The following EYS variants were observed in gnomAD, a reference collection of about 807,000 sequenced individuals.
The protein encoded by EYS is protein eyes shut homolog.
In EYS, 250 loss-of-function variants were observed where a neutral mutation model predicts 282.1. That is an observed-to-expected ratio of 0.89 (90% CI 0.80 to 0.98). The LOEUF is 0.98. Ranked by LOEUF, EYS falls within the 50% of genes least tolerant of loss-of-function variation. The pLI, the probability that EYS is intolerant of heterozygous loss-of-function variation, is 0.00. For missense variants in EYS, 4,016 were observed against 3,709.0 expected (o/e 1.08, Z -2.15); for synonymous variants, 1,355 against 1,282.9 (o/e 1.06, Z -1.20).
In EYS at chr6:65,334,997, A is replaced by C; in HGVS notation, c.1749T>G (p.Asp583Glu). The C allele has an allele frequency of 6.2e-7, 1 of 1,609,806 alleles. No homozygotes were observed. Among genetic ancestry groups the C allele is most frequent in the Non-Finnish European group, 8.5e-7 (1 of 1,177,310 alleles). The change falls in exon 11 of 43, where the codon GAT becomes GAG. Residue 583 changes from aspartate to glutamate, a missense_variant. Coordinates refer to ENST00000503581, the MANE Select transcript of EYS (RefSeq NM_001142800.2). ...NECQHEAVCKDEINRPRCSCS... is the reference protein window; with the variant it reads ...NECQHEAVCKEEINRPRCSCS... ...ATAAATACCTGGGTCTATTAATTTC[A>C]TCTTTACAAACAGCTTCATGTTGAC...
At position 64,819,267 on chromosome 6, in the gene EYS, T is replaced by C. The variant is rs530068438; in HGVS notation, c.3243+2378A>G. On this transcript the variant is annotated intron_variant, in intron 21 of 42. Coordinates refer to ENST00000503581, the MANE Select transcript of EYS (RefSeq NM_001142800.2). ...ATGATTATTATATCTCAATTTCTTA[T>C]AGACATTCAATATCTAAGATTTACA... is the stretch of plus-strand genomic sequence containing the variant. Among the ~76,000 whole-genome samples, 9 of 152,288 alleles carry C rather than the reference T, an allele frequency of 5.9e-5. No individual in the cohort carries two copies. The South Asian group carries it at 1.7e-3, about 28-fold the overall frequency.
chr6:65,516,585 T>C (rs1240662319), intron 2 of EYS, among the ~76,000 whole-genome samples: 1 of 152,082 alleles, frequency 6.6e-6, no homozygotes, highest in Non-Finnish European at 1.5e-5. Flanking sequence ...TTCTTAAAGA[T>C]GTCAGGGCAA....
At chr6:65,412,178 A>G (rs986715056) in intron 5 of EYS, among the ~76,000 whole-genome samples, 5 of 152,150 alleles carry the variant, frequency 3.3e-5, no homozygotes, top group African/African-American at 1.2e-4. Flanking sequence ...ACCAGGCAAC[A>G]GATCTTCTGA....
At chr6:64,553,542 T>C (rs1765150019) in intron 26 of EYS, among the ~76,000 whole-genome samples, 3 of 89,896 alleles carry the variant, frequency 3.3e-5, no homozygotes, top group South Asian at 8.5e-4. Context: ...TGACTTTTGT[T>C]TGACCCCCCC....
chr6:64,996,507 C>T (rs1771269550), intron 14 of EYS, among the ~76,000 whole-genome samples: 1 of 152,132 alleles, frequency 6.6e-6, no homozygotes. Context: ...GTCACATGTC[C>T]ACTTCTAAAG....
At chr6:63,781,245 T>G (rs145916795) in intron 39 of EYS, among the ~76,000 whole-genome samples, 1 of 152,196 alleles carries the variant, frequency 6.6e-6, no homozygotes, top group Admixed American at 6.5e-5. Flanking sequence ...CTTTTTTGGT[T>G]CCATATGAAC....
At chr6:64,001,069 G>C (rs1768076716) in intron 33 of EYS, among the ~76,000 whole-genome samples, 1 of 152,228 alleles carries the variant, frequency 6.6e-6, no homozygotes, top group African/African-American at 2.4e-5. Context: ...GCTGAGGCCA[G>C]CCTAGTCTAA....
chr6:64,210,251 A>G (rs1765722765), intron 31 of EYS, among the ~76,000 whole-genome samples: 1 of 152,230 alleles, frequency 6.6e-6, no homozygotes, highest in African/African-American at 2.4e-5. Flanking sequence ...GGGCTGCCAT[A>G]GCGAGTTATG....
intron 2 of EYS, among the ~76,000 whole-genome samples, chr6:65,516,877 C>T (rs750762953): frequency 3.9e-5 from 6 of 152,028 alleles, no homozygotes; most frequent in African/African-American, 7.2e-5. Context: ...GATTCTGACA[C>T]TTCCTAGTCA....
chr6:64,095,139 T>C (rs1772543837), intron 31 of EYS, among the ~76,000 whole-genome samples: 1 of 152,232 alleles, frequency 6.6e-6, no homozygotes, highest in Non-Finnish European at 1.5e-5. Flanking sequence ...TAATTTCTGT[T>C]CTTTTACATT....
chr6:64,349,726 G>T (rs1439739266), intron 29 of EYS, among the ~76,000 whole-genome samples: 1 of 151,328 alleles, frequency 6.6e-6, no homozygotes, highest in Non-Finnish European at 1.5e-5. Context: ...AACTTAAACT[G>T]TCTGCAATTT....
intron 28 of EYS, among the ~76,000 whole-genome samples, chr6:64,398,970 G>A (rs1169239732): frequency 6.6e-6 from 1 of 151,740 alleles, no homozygotes; most frequent in Non-Finnish European, 1.5e-5. Context: ...ATATCTGAGG[G>A]AGAATATAGC....
chr6:65,508,655 T>A (rs1766749508), intron 2 of EYS, among the ~76,000 whole-genome samples: 1 of 116,272 alleles, frequency 8.6e-6, no homozygotes, highest in Non-Finnish European at 1.7e-5. Flanking sequence ...AGAGCAAGAC[T>A]CCATCTCAAA....
intron 2 of EYS, among the ~76,000 whole-genome samples, chr6:65,593,666 T>C (rs972063542): frequency 1.3e-5 from 2 of 151,932 alleles, no homozygotes; most frequent in African/African-American, 4.8e-5. Context: ...TTTTTCTACT[T>C]ACTCTCCCAT....
intron 22 of EYS, among the ~76,000 whole-genome samples, chr6:64,696,540 T>G (rs1391977766): frequency 6.6e-6 from 1 of 152,088 alleles, no homozygotes; most frequent in Non-Finnish European, 1.5e-5. Flanking sequence ...GACCTCACCA[T>G]GACATGTAGC....
intron 12 of EYS, among the ~76,000 whole-genome samples, chr6:65,275,222 C>T (rs56260802): frequency 0.02 from 2,975 of 152,268 alleles, 46 homozygotes; most frequent in Middle Eastern, 0.058. Flanking sequence ...TCTTGCCATC[C>T]GCTGTGGCTA....
Position 64,062,597 on chromosome 6 carries a change from C to T in EYS, c.6725+3741G>A, listed in dbSNP as rs548439699. Reference sequence around the variant, plus strand: ...ATCCCAGCTGCTTGGAGGCTGAGGCCGGAAAATCGCTTGAACCCTGGAGGT... The same window carrying T: ...ATCCCAGCTGCTTGGAGGCTGAGGCTGGAAAATCGCTTGAACCCTGGAGGT... On this transcript the variant is annotated intron_variant, in intron 33 of 42. Coordinates refer to ENST00000503581, the MANE Select transcript of EYS (RefSeq NM_001142800.2). Among the ~76,000 whole-genome samples, 28 of 149,520 alleles carry T rather than the reference C, an allele frequency of 1.9e-4. 1 individual carries two copies. The South Asian group carries it at 4.4e-3, about 24-fold the overall frequency.
chr6:63,799,306 G>A (rs1413216916), intron 37 of EYS, among the ~76,000 whole-genome samples: 1 of 151,790 alleles, frequency 6.6e-6, no homozygotes, highest in Non-Finnish European at 1.5e-5. Flanking sequence ...GAGCCACCGT[G>A]CCCGGCTCCT....
At chr6:64,909,657 C>T (rs1405559322) in intron 16 of EYS, among the ~76,000 whole-genome samples, 2 of 151,926 alleles carry the variant, frequency 1.3e-5, no homozygotes, top group African/African-American at 4.8e-5. Flanking sequence ...AAGCTTTGCC[C>T]TTTATTTATC....
Sources: allele counts gnomAD v4.1 joint callset (sites outside exome capture counted in the v4.1 genomes callset), GRCh38; gene constraint gnomAD v4.1.1; transcripts MANE v1.5; gene names NCBI Gene and HGNC (gene_info 2026-07-23, HGNC 2026-07-21).